Variants in FUNDC2 observed in about 807,000 individuals in gnomAD.
FUNDC2 encodes FUN14 domain-containing protein 2.
Under a neutral mutation model 15.6 loss-of-function variants are expected in FUNDC2, and 4 were observed. That is an observed-to-expected ratio of 0.26 (90% confidence interval 0.13 to 0.59). The LOEUF (loss-of-function observed/expected upper bound fraction) is 0.59. Among genes scored for constraint, FUNDC2 ranks in the 20% least tolerant of loss-of-function variants. The pLI, the probability that FUNDC2 is intolerant of heterozygous loss-of-function variation, is 0.90. For synonymous variants in FUNDC2, 44 were observed against 56.9 expected (o/e 0.77, Z 1.02); for missense variants, 98 against 149.7 (o/e 0.65, Z 1.80).
intron 3 of FUNDC2, chrX:155,047,433 G>C (rs2073866050): frequency 2.9e-6 from 1 of 342,527 alleles, no homozygotes; most frequent in African/African-American, 2.6e-5. Context: ...GAGTTTTGCA[G>C]ATAGGTCAGG....
intron 2 of FUNDC2, among the ~76,000 whole-genome samples, chrX:155,035,313 G>T (rs1217342056): frequency 1.8e-5 from 2 of 111,808 alleles, no homozygotes; most frequent in African/African-American, 6.5e-5. Flanking sequence ...GTGAGTGTGT[G>T]TGCGCATGCA....
At position 155,055,950 on chromosome X, in the gene FUNDC2, G is replaced by C. The variant is rs1190907536; in HGVS notation, c.*1278G>C. The C allele has an allele frequency of 8.9e-6, 1 of 112,147 alleles. No homozygotes were observed. The highest frequency in any genetic ancestry group is 1.9e-5 in the Non-Finnish European group (1 of 53,248). The allele number at this position is 112,147 out of a possible 1,213,427, so 9.2% of individuals were successfully genotyped here. A position where few individuals can be genotyped will look rare whatever the true frequency, so the allele number is the denominator to read the frequency against. ...TTGCATTTTAACCCGTCTTGAGAATGATGTATTGAATTTGAAAATCAAAAC... is the reference window on the plus strand; with the variant it reads ...TTGCATTTTAACCCGTCTTGAGAATCATGTATTGAATTTGAAAATCAAAAC... On this transcript the variant is annotated 3_prime_UTR_variant, in exon 5 of 5. Coordinates refer to ENST00000369498, the MANE Select transcript of FUNDC2 (RefSeq NM_023934.4).
chrX:155,054,806 C>T lies in FUNDC2; in HGVS notation c.*134C>T, dbSNP rs1313078207. 20 of 541,241 alleles carry T rather than the reference C, an allele frequency of 3.7e-5. No homozygotes were observed. The highest frequency in any genetic ancestry group is 5.2e-4 in the Middle Eastern group (1 of 1,910). The allele number at this position is 541,241 out of a possible 1,213,427, so 44.6% of individuals were successfully genotyped here. A position where few individuals can be genotyped will look rare whatever the true frequency, so the allele number is the denominator to read the frequency against. ...GCCATGGCAAATCTGAGTGGCTTCT[C>T]TAAGCATCTGCTGGTACAAGTCAAT... On this transcript the variant is annotated 3_prime_UTR_variant, in exon 5 of 5. Transcript: ENST00000369498.
rs1324808955 is a variant in FUNDC2, at chrX:155,056,000, C to T, written c.*1328C>T. 8.9e-6 allele frequency: 1 copy of T among 112,103 alleles called. No homozygotes were observed. Among genetic ancestry groups the T allele is most frequent in the South Asian group, 3.7e-4 (1 of 2,731 alleles). The allele number at this position is 112,103 out of a possible 1,213,427, so 9.2% of individuals were successfully genotyped here. A position where few individuals can be genotyped will look rare whatever the true frequency, so the allele number is the denominator to read the frequency against. On this transcript the variant is annotated 3_prime_UTR_variant, in exon 5 of 5. Coordinates refer to ENST00000369498, the MANE Select transcript of FUNDC2 (RefSeq NM_023934.4). Reference sequence around the variant, plus strand: ...CTACCAGTGGATGTGTGGAACTTTACAGAAACCACCTATTTGCGTTTTTCT... The same window carrying T: ...CTACCAGTGGATGTGTGGAACTTTATAGAAACCACCTATTTGCGTTTTTCT...
rs1338370041 is a variant in FUNDC2, at chrX:155,058,380, A to T, written c.*3708A>T. The T allele has an allele frequency of 8.9e-6, 1 of 112,005 alleles. No individual in the cohort carries two copies. The highest frequency in any genetic ancestry group is 1.9e-5 in the Non-Finnish European group (1 of 53,183). The allele number at this position is 112,005 out of a possible 1,213,427, so 9.2% of individuals were successfully genotyped here. A position where few individuals can be genotyped will look rare whatever the true frequency, so the allele number is the denominator to read the frequency against. ...TTCTTTTGTTTCACGGTTGTCAGAAAGATGGGCATAACTAATGGTTGGGCT... is the reference window on the plus strand; with the variant it reads ...TTCTTTTGTTTCACGGTTGTCAGAATGATGGGCATAACTAATGGTTGGGCT... On this transcript the variant is annotated 3_prime_UTR_variant, in exon 5 of 5. Transcript: ENST00000369498.
In FUNDC2 at chrX:155,056,500, C is replaced by G. The variant is rs1344387141; in HGVS notation, c.*1828C>G. The G allele has an allele frequency of 2.9e-5, 3 of 104,853 alleles. No individual in the cohort carries two copies. The highest frequency in any genetic ancestry group is 1.1e-4 in the African/African-American group (3 of 28,019). The allele number at this position is 104,853 out of a possible 1,213,427, so 8.6% of individuals were successfully genotyped here. ...GTATTTGCATGATTTGGATAAGTCTCTTAACCTTATAGATCCTCCTCTATT... is the reference window on the plus strand; with the variant it reads ...GTATTTGCATGATTTGGATAAGTCTGTTAACCTTATAGATCCTCCTCTATT... On this transcript the variant is annotated 3_prime_UTR_variant, in exon 5 of 5. Coordinates refer to ENST00000369498, the MANE Select transcript of FUNDC2 (RefSeq NM_023934.4).
intron 1 of FUNDC2, among the ~76,000 whole-genome samples, chrX:155,030,020 G>T (rs1036479414): frequency 3.6e-5 from 4 of 110,733 alleles, no homozygotes; most frequent in Non-Finnish European, 7.6e-5. Flanking sequence ...AAATTATTTT[G>T]TTTTCCAATT....
At chrX:155,040,926 C>A (rs782333676) in intron 2 of FUNDC2, among the ~76,000 whole-genome samples, 1 of 111,362 alleles carries the variant, frequency 9.0e-6, no homozygotes, top group East Asian at 2.8e-4. Flanking sequence ...TTACCAGACA[C>A]GATTTGCAAA....
chrX:155,051,837 A>C lies in FUNDC2; in HGVS notation c.492+36A>C, dbSNP rs371393513. The C allele has an allele frequency of 2.4e-4, 282 of 1,193,693 alleles. No homozygotes were observed. In the African/African-American group the frequency reaches 4.2e-3, roughly 18 times the overall value. On this transcript the variant is annotated intron_variant, in intron 4 of 4. Coordinates refer to ENST00000369498, the MANE Select transcript of FUNDC2 (RefSeq NM_023934.4). ...CATTGTTCACGTGTAGTGTGTGAACAGTGCAGACAAAAACAGGGCTTAACC... is the reference window on the plus strand; with the variant it reads ...CATTGTTCACGTGTAGTGTGTGAACCGTGCAGACAAAAACAGGGCTTAACC...
At chrX:155,027,953 C>T (rs1021796999) in intron 1 of FUNDC2, among the ~76,000 whole-genome samples, 1 of 107,955 alleles carries the variant, frequency 9.3e-6, no homozygotes, top group African/African-American at 3.6e-5. Flanking sequence ...CTAAAGCCGA[C>T]TGTTAAGCAT....
At chrX:155,044,292 T>C (rs782717247) in intron 2 of FUNDC2, among the ~76,000 whole-genome samples, 4 of 111,783 alleles carry the variant, frequency 3.6e-5, no homozygotes, top group African/African-American at 1.3e-4. Context: ...AACAGTAACC[T>C]ACATCAGAGA....
chrX:155,058,127 T>A lies in FUNDC2; in HGVS notation c.*3455T>A, dbSNP rs2073914934. The A allele has an allele frequency of 9.0e-6, 1 of 111,303 alleles. No individual in the cohort carries two copies. Among genetic ancestry groups the A allele is most frequent in the Non-Finnish European group, 1.9e-5 (1 of 53,040 alleles). 9.2% of individuals were successfully genotyped at this position (111,303 alleles called of 1,213,427 possible). ...GACATTCATTAACAGGACAGTGGGG[T>A]TCTTGACTCCCCTACCACTGGGGTG... is the stretch of plus-strand genomic sequence containing the variant. On this transcript the variant is annotated 3_prime_UTR_variant, in exon 5 of 5. Coordinates refer to ENST00000369498, the MANE Select transcript of FUNDC2 (RefSeq NM_023934.4).
intron 3 of FUNDC2, among the ~76,000 whole-genome samples, chrX:155,047,687 T>C (rs782371631): frequency 4.5e-5 from 5 of 110,366 alleles, no homozygotes; most frequent in Non-Finnish European, 9.5e-5. Flanking sequence ...CCTCTTTGTG[T>C]CTCTGTCTCT....
intron 1 of FUNDC2, among the ~76,000 whole-genome samples, chrX:155,031,561 T>A (rs1203254604): frequency 1.8e-5 from 2 of 112,438 alleles, no homozygotes; most frequent in Non-Finnish European, 3.8e-5. Flanking sequence ...AACTCCAGAC[T>A]TCAAGTGATC....
rs1557290740 is a variant in FUNDC2 at position 155,054,764 on chromosome X, C to T, written c.*92C>T. On this transcript the variant is annotated 3_prime_UTR_variant, in exon 5 of 5. Coordinates refer to ENST00000369498, the MANE Select transcript of FUNDC2 (RefSeq NM_023934.4). ...GACATCGAGTCCCTCCTCCTCTTCTCCCATGCCTTCTTCCCTGCCATGGCA... is the reference window on the plus strand; with the variant it reads ...GACATCGAGTCCCTCCTCCTCTTCTTCCATGCCTTCTTCCCTGCCATGGCA... 8 of 774,504 alleles carry T rather than the reference C, an allele frequency of 1.0e-5. No homozygotes were observed. Among genetic ancestry groups the T allele is most frequent in the Admixed American group, 2.3e-5 (1 of 43,325 alleles). 63.8% of individuals were successfully genotyped at this position (774,504 alleles called of 1,213,427 possible). A position where few individuals can be genotyped will look rare whatever the true frequency, so the allele number is the denominator to read the frequency against.
rs1298977948 is a variant in FUNDC2, at chrX:155,056,355, C to CTCA, written c.*1688_*1690dup. On this transcript the variant is annotated 3_prime_UTR_variant, in exon 5 of 5. Transcript: ENST00000369498. ...AATTATTTCTAAAAATCATAAATAC[C>CTCA]TCATCATATCAGACATTAACAGTAA... The CTCA allele has an allele frequency of 2.7e-5, 3 of 111,044 alleles. No individual in the cohort carries two copies. In the East Asian group the frequency reaches 8.4e-4, roughly 31 times the overall value. 9.2% of individuals were successfully genotyped at this position (111,044 alleles called of 1,213,427 possible).
chrX:155,027,580 C>T (rs1429604214), intron 1 of FUNDC2, among the ~76,000 whole-genome samples: 1 of 112,039 alleles, frequency 8.9e-6, no homozygotes, highest in Non-Finnish European at 1.9e-5. Context: ...ATGCGTCTTA[C>T]CCTATTTTGA....
At chrX:155,046,190 CT>C (rs1425998604) in intron 2 of FUNDC2, among the ~76,000 whole-genome samples, 3 of 110,352 alleles carry the variant, frequency 2.7e-5, no homozygotes, top group African/African-American at 9.9e-5. Flanking sequence ...ATTCACTTCT[CT>C]TCTGGATCGC....
intron 1 of FUNDC2, among the ~76,000 whole-genome samples, chrX:155,031,334 C>T (rs1174762964): frequency 9.0e-6 from 1 of 111,724 alleles, no homozygotes; most frequent in Non-Finnish European, 1.9e-5. Flanking sequence ...GTTTCTTTTT[C>T]TTTTTTCTTT....
Sources: gnomAD v4.1 joint callset for allele counts (sites outside exome capture counted in the v4.1 genomes callset) on GRCh38, gnomAD v4.1.1 for gene constraint, MANE v1.5 for transcripts, NCBI Gene and HGNC (gene_info 2026-07-23, HGNC 2026-07-21) for gene names.